The following CA10 variants were observed in gnomAD, a reference collection of about 807,000 sequenced individuals.
CA10 encodes carbonic anhydrase-related protein 10.
CA10 carries 14 observed loss-of-function variants against 44.2 expected under a neutral mutation model. The observed-to-expected ratio is 0.32, with a 90% CI of 0.21 to 0.50. CA10 has a LOEUF of 0.50. Ranked by LOEUF, CA10 falls within the 20% of genes least tolerant of loss-of-function variation. CA10 has a pLI of 0.99. For missense variants in CA10, 350 were observed against 409.7 expected, an observed-to-expected ratio of 0.85 and a Z score of 1.26; for synonymous variants, 159 against 141.6, an observed-to-expected ratio of 1.12 and a Z score of -0.87.
chr17:51,833,060 T>C (rs901268108), intron 3 of CA10, among the ~76,000 whole-genome samples: 19 of 152,178 alleles, frequency 1.2e-4, no homozygotes, highest in Non-Finnish European at 4.4e-5. Context: ...GAGAGGCCCT[T>C]CCAGCTGAGA....
chr17:51,743,442 T>C (rs956448540), intron 4 of CA10, among the ~76,000 whole-genome samples: 1 of 152,240 alleles, frequency 6.6e-6, no homozygotes, highest in Non-Finnish European at 1.5e-5. Context: ...ATGGAGACAT[T>C]TGAATCCCTG....
chr17:51,905,513 AT>A lies in CA10; in HGVS notation c.279+25476del, dbSNP rs199806978. ...ACCTGCTTAGAGTTTATGGCCCATC[AT>A]CCCTATCAGTCCTTTTTTTTTTTTT... On this transcript the variant is annotated intron_variant, in intron 3 of 8. Transcript: ENST00000451037. Among the ~76,000 whole-genome samples, 1,043 of 140,592 alleles carry A rather than the reference AT, an allele frequency of 7.4e-3. 8 individuals carry two copies. Among genetic ancestry groups the A allele is most frequent in the Non-Finnish European group, 0.01 (683 of 66,056 alleles). 92.2% of individuals were successfully genotyped at this position (140,592 alleles called of 152,430 possible).
chr17:51,955,531 T>C (rs998207697), intron 2 of CA10, among the ~76,000 whole-genome samples: 4 of 152,118 alleles, frequency 2.6e-5, no homozygotes, highest in Non-Finnish European at 5.9e-5. Flanking sequence ...ATGCTTTTAC[T>C]TTTTTCCCCT....
At chr17:51,702,124 T>A (rs942572484) in intron 4 of CA10, among the ~76,000 whole-genome samples, 1 of 149,358 alleles carries the variant, frequency 6.7e-6, no homozygotes, top group African/African-American at 2.6e-5. Context: ...ATTCATTTGT[T>A]CACTTTACAA....
intron 2 of CA10, among the ~76,000 whole-genome samples, chr17:51,960,154 G>GA (rs1983833651): frequency 6.6e-6 from 1 of 151,880 alleles, no homozygotes; most frequent in African/African-American, 2.4e-5. Context: ...TGCAATAGCA[G>GA]AATGGAGATG....
intron 2 of CA10, among the ~76,000 whole-genome samples, chr17:52,015,995 G>A (rs1264281990): frequency 6.6e-6 from 1 of 152,062 alleles, no homozygotes; most frequent in Non-Finnish European, 1.5e-5. Context: ...AGAGTTCCAG[G>A]TGAGTAGAGG....
intron 1 of CA10, among the ~76,000 whole-genome samples, chr17:52,100,161 T>G (rs1235876493): frequency 6.6e-6 from 1 of 152,110 alleles, no homozygotes; most frequent in Non-Finnish European, 1.5e-5. Context: ...ATGGACTAGT[T>G]GAAAGGGATA....
chr17:51,707,673 G>GTGTGTGTGTGTGTGTGTGTC (rs1182823727), intron 4 of CA10, among the ~76,000 whole-genome samples: 1 of 147,132 alleles, frequency 6.8e-6, no homozygotes. Context: ...GGATGAATAT[G>GTGTGTGTGTGTGTGTGTGTC]TGTGTGTGTG....
intron 4 of CA10, among the ~76,000 whole-genome samples, chr17:51,739,823 G>A (rs959672545): frequency 1.3e-5 from 2 of 152,168 alleles, no homozygotes; most frequent in Non-Finnish European, 2.9e-5. Context: ...TCGAAGGCCA[G>A]TTTGCTCACT....
intron 2 of CA10, among the ~76,000 whole-genome samples, chr17:51,958,257 G>GTT (rs56021809): frequency 7.0e-4 from 103 of 146,632 alleles, no homozygotes; most frequent in African/African-American, 2.1e-3. Flanking sequence ...AAATAACTGA[G>GTT]TTTTTTTTTT....
intron 2 of CA10, among the ~76,000 whole-genome samples, chr17:52,000,038 GAC>G (rs1224954685): frequency 6.6e-6 from 1 of 152,026 alleles, no homozygotes; most frequent in Non-Finnish European, 1.5e-5. Context: ...AATGAAGCAT[GAC>G]ACAGAATTGT....
chr17:51,826,771 A>C (rs1323256392), intron 3 of CA10, among the ~76,000 whole-genome samples: 1 of 152,084 alleles, frequency 6.6e-6, no homozygotes, highest in Non-Finnish European at 1.5e-5. Flanking sequence ...TATTTATTCT[A>C]TTGTCCTCTC....
chr17:51,708,536 T>C (rs1453513529), intron 4 of CA10, among the ~76,000 whole-genome samples: 1 of 152,176 alleles, frequency 6.6e-6, no homozygotes, highest in African/African-American at 2.4e-5. Flanking sequence ...CTATCAAAAA[T>C]ACCAACTTGG....
At chr17:51,731,367 C>T in intron 4 of CA10, among the ~76,000 whole-genome samples, 1 of 152,102 alleles carries the variant, frequency 6.6e-6, no homozygotes, top group Non-Finnish European at 1.5e-5. Flanking sequence ...CAGGACGAGA[C>T]TCCGTCTCAA....
intron 5 of CA10, among the ~76,000 whole-genome samples, chr17:51,651,371 G>A (rs1482980318): frequency 1.3e-5 from 2 of 152,188 alleles, no homozygotes; most frequent in Non-Finnish European, 2.9e-5. Context: ...AACTCATGGT[G>A]GAGTTGATTT....
chr17:51,910,085 G>A (rs1353815136), intron 3 of CA10, among the ~76,000 whole-genome samples: 1 of 152,032 alleles, frequency 6.6e-6, no homozygotes, highest in South Asian at 2.1e-4. Context: ...GATGCACCAT[G>A]AGAAGCAGGG....
chr17:51,747,932 T>A, intron 3 of CA10, 114 bp from the exon 4 acceptor site: 1 of 743,392 alleles, frequency 1.3e-6, no homozygotes, highest in Non-Finnish European at 2.2e-6. Flanking sequence ...GAAGATGGGC[T>A]AAATCCACAT....
At chr17:51,654,544 AGTATGG>A (rs1913712712) in intron 4 of CA10, among the ~76,000 whole-genome samples, 1 of 147,430 alleles carries the variant, frequency 6.8e-6, no homozygotes, top group African/African-American at 2.5e-5. Context: ...TTTTCTTAAC[AGTATGG>A]AAGCCTAATT....
intron 4 of CA10, among the ~76,000 whole-genome samples, chr17:51,696,131 T>C (rs2143443240): frequency 6.6e-6 from 1 of 152,290 alleles, no homozygotes; most frequent in Non-Finnish European, 1.5e-5. Flanking sequence ...GTTTTCTTTT[T>C]TGTTGTTGTA....
Sources: allele counts gnomAD v4.1 joint callset (sites outside exome capture counted in the v4.1 genomes callset), GRCh38; gene constraint gnomAD v4.1.1; transcripts MANE v1.5; gene names NCBI Gene and HGNC (gene_info 2026-07-23, HGNC 2026-07-21).